Variants in CCSER1 observed in about 807,000 individuals in gnomAD.
CCSER1 encodes coiled-coil serine rich protein 1.
CCSER1 carries 41 observed loss-of-function variants against 82.0 expected under a neutral mutation model. That is an observed-to-expected ratio of 0.50 (90% CI 0.39 to 0.65). The LOEUF (loss-of-function observed/expected upper bound fraction) is 0.65. Among genes scored for constraint, CCSER1 ranks in the 30% least tolerant of loss-of-function variants. The pLI is 0.00. For synonymous variants in CCSER1, 414 were observed against 383.9 expected (o/e 1.08, Z -0.92); for missense variants, 1,119 against 1,064.2 (o/e 1.05, Z -0.72).
At chr4:91,014,797 C>T (rs1339113833) in intron 9 of CCSER1, among the ~76,000 whole-genome samples, 1 of 152,092 alleles carries the variant, frequency 6.6e-6, no homozygotes, top group Non-Finnish European at 1.5e-5. Context: ...AGTGTAAAGG[C>T]ATACTGTAAT....
At chr4:91,568,496 A>G (rs1314964851) in intron 10 of CCSER1, among the ~76,000 whole-genome samples, 1 of 152,046 alleles carries the variant, frequency 6.6e-6, no homozygotes, top group African/African-American at 2.4e-5. Context: ...TGATTCATTG[A>G]TTTGGCCTCT....
At chr4:90,254,728 G>C (rs1362876502) in intron 1 of CCSER1, among the ~76,000 whole-genome samples, 1 of 152,116 alleles carries the variant, frequency 6.6e-6, no homozygotes, top group Non-Finnish European at 1.5e-5. Context: ...CTGGGTAGGA[G>C]GGAATGGGCC....
chr4:91,451,257 A>C (rs1408436539), intron 10 of CCSER1, among the ~76,000 whole-genome samples: 1 of 151,984 alleles, frequency 6.6e-6, no homozygotes, highest in Admixed American at 6.6e-5. Flanking sequence ...TGGGGGTTAT[A>C]ATTTCAACAT....
chr4:90,150,238 G>A (rs1726570209), intron 1 of CCSER1, among the ~76,000 whole-genome samples: 2 of 152,128 alleles, frequency 1.3e-5, no homozygotes, highest in African/African-American at 4.8e-5. Context: ...ACCAAACCCT[G>A]TGGGTACCAA....
At chr4:91,045,652 TATA>T (rs1291878679) in intron 9 of CCSER1, among the ~76,000 whole-genome samples, 1 of 152,224 alleles carries the variant, frequency 6.6e-6, no homozygotes, top group Non-Finnish European at 1.5e-5. Context: ...TATCTACAAT[TATA>T]ATGAGATTCT....
At chr4:91,080,960 C>T (rs906408389) in intron 9 of CCSER1, among the ~76,000 whole-genome samples, 3 of 152,272 alleles carry the variant, frequency 2.0e-5, no homozygotes, top group Admixed American at 2.0e-4. Flanking sequence ...GGATTCACAG[C>T]CAAATTCTAC....
At chr4:90,388,961 T>C (rs1750532215) in intron 3 of CCSER1, among the ~76,000 whole-genome samples, 1 of 152,284 alleles carries the variant, frequency 6.6e-6, no homozygotes, top group Admixed American at 6.5e-5. Context: ...ACTTATAAAT[T>C]AGTAAGATGT....
chr4:91,382,994 T>C lies in CCSER1; in HGVS notation c.2218-215578T>C, dbSNP rs1473470939. Among the ~76,000 whole-genome samples the C allele has an allele frequency of 3.5e-5, 5 of 143,976 alleles. No individual in the cohort carries two copies. In the East Asian group the frequency reaches 7.8e-4, roughly 22 times the overall value. The allele number at this position is 143,976 out of a possible 152,430, so 94.5% of individuals were successfully genotyped here. A position where few individuals can be genotyped will look rare whatever the true frequency, so the allele number is the denominator to read the frequency against. On this transcript the variant is annotated intron_variant, in intron 10 of 10. Coordinates refer to ENST00000509176, the MANE Select transcript of CCSER1 (RefSeq NM_001145065.2). ...GACTCCCTGAAGACTCAGATGATCA[T>C]TATCATTTTTTTTTTTTAGCAATAA...
intron 9 of CCSER1, among the ~76,000 whole-genome samples, chr4:90,971,330 T>A (rs1253130929): frequency 6.6e-6 from 1 of 151,872 alleles, no homozygotes; most frequent in Admixed American, 6.6e-5. Context: ...TTGGAAGTGC[T>A]ACACACTTTT....
intron 7 of CCSER1, among the ~76,000 whole-genome samples, chr4:90,730,941 C>T (rs1214961705): frequency 6.6e-6 from 1 of 151,906 alleles, no homozygotes; most frequent in Non-Finnish European, 1.5e-5. Flanking sequence ...TCTTATTTCA[C>T]ATATGATGAA....
intron 1 of CCSER1, among the ~76,000 whole-genome samples, chr4:90,262,091 G>C (rs1383206947): frequency 6.6e-6 from 1 of 151,168 alleles, no homozygotes; most frequent in Non-Finnish European, 1.5e-5. Flanking sequence ...ATTTTTATTT[G>C]CTATTTCAAA....
intron 10 of CCSER1, among the ~76,000 whole-genome samples, chr4:91,463,579 C>T (rs1179676040): frequency 6.6e-6 from 1 of 152,096 alleles, no homozygotes; most frequent in Non-Finnish European, 1.5e-5. Flanking sequence ...AAGTTCGAAC[C>T]CATCGCAAAG....
chr4:91,018,649 C>G (rs1330067332), intron 9 of CCSER1, among the ~76,000 whole-genome samples: 2 of 151,990 alleles, frequency 1.3e-5, no homozygotes, highest in African/African-American at 4.8e-5. Flanking sequence ...TGTGACGCTT[C>G]TAGTATGCTA....
At chr4:90,475,356 G>A (rs186356724) in intron 5 of CCSER1, among the ~76,000 whole-genome samples, 2 of 152,222 alleles carry the variant, frequency 1.3e-5, no homozygotes, top group East Asian at 3.9e-4. Context: ...TCATGATTTT[G>A]GTCAATTCAA....
intron 10 of CCSER1, among the ~76,000 whole-genome samples, chr4:91,576,669 G>A (rs931365815): frequency 6.6e-6 from 1 of 151,950 alleles, no homozygotes; most frequent in East Asian, 1.9e-4. Flanking sequence ...GGTGACTGAA[G>A]TCTAAACATG....
chr4:91,026,380 C>T lies in CCSER1; in HGVS notation c.2173-59570C>T, dbSNP rs182419504. ...CGTATTTGGCCTTAATAAATTGAAG[C>T]GCTAAAGGAGCTGGAATTGAAAAAT... On this transcript the variant is annotated intron_variant, in intron 9 of 10. Coordinates refer to ENST00000509176, the MANE Select transcript of CCSER1 (RefSeq NM_001145065.2). Among the ~76,000 whole-genome samples the T allele has an allele frequency of 2.4e-3, 367 of 152,080 alleles. 2 individuals carry two copies. Among genetic ancestry groups the T allele is most frequent in the African/African-American group, 7.6e-3 (317 of 41,494 alleles).
At chr4:91,537,707 T>G (rs180846245) in intron 10 of CCSER1, among the ~76,000 whole-genome samples, 1 of 152,086 alleles carries the variant, frequency 6.6e-6, no homozygotes, top group East Asian at 1.9e-4. Flanking sequence ...TGTGATAACT[T>G]TTTCTAAATA....
At chr4:91,308,591 G>A (rs1745235389) in intron 10 of CCSER1, among the ~76,000 whole-genome samples, 1 of 105,348 alleles carries the variant, frequency 9.5e-6, no homozygotes, top group Non-Finnish European at 2.0e-5. Context: ...CAACTTATTT[G>A]CTCAGTGCAT....
intron 1 of CCSER1, among the ~76,000 whole-genome samples, chr4:90,244,959 T>C (rs1721156813): frequency 6.6e-6 from 1 of 152,188 alleles, no homozygotes; most frequent in African/African-American, 2.4e-5. Context: ...GCTCTGTGAA[T>C]TTAGCCACAG....
Sources: gnomAD v4.1 joint callset for allele counts (sites outside exome capture counted in the v4.1 genomes callset) on GRCh38, gnomAD v4.1.1 for gene constraint, MANE v1.5 for transcripts, NCBI Gene and HGNC (gene_info 2026-07-23, HGNC 2026-07-21) for gene names.